Variants in VEPH1 observed in about 807,000 individuals in gnomAD.
VEPH1 encodes the protein ventricular zone expressed PH domain containing 1, also known as ventricular zone-expressed PH domain-containing protein homolog 1.
Under a neutral mutation model 85.2 loss-of-function variants are expected in VEPH1, and 80 were observed. The observed-to-expected ratio is 0.94, with a 90% CI of 0.78 to 1.13. The LOEUF is 1.13. Ranked by LOEUF, VEPH1 falls within the 50% of genes most tolerant of loss-of-function variation. VEPH1 has a pLI of 0.00. For missense variants in VEPH1, 955 were observed against 980.5 expected, an observed-to-expected ratio of 0.97 and a Z score of 0.35; for synonymous variants, 297 against 348.0, an observed-to-expected ratio of 0.85 and a Z score of 1.63.
intron 2 of VEPH1, among the ~76,000 whole-genome samples, chr3:157,489,747 C>G (rs910954296): frequency 6.6e-6 from 1 of 150,754 alleles, no homozygotes; most frequent in African/African-American, 2.4e-5. Context: ...ACCCTTCTAT[C>G]CTAGCATCCA....
At chr3:157,374,660 T>C (rs1727895410) in intron 7 of VEPH1, among the ~76,000 whole-genome samples, 1 of 152,158 alleles carries the variant, frequency 6.6e-6, no homozygotes, top group South Asian at 2.1e-4. Flanking sequence ...GTATGAACTG[T>C]GGGAGCTCAG....
At chr3:157,501,535 C>T (rs942492015) in intron 1 of VEPH1, among the ~76,000 whole-genome samples, 4 of 152,144 alleles carry the variant, frequency 2.6e-5, no homozygotes, top group South Asian at 2.1e-4. Flanking sequence ...TTCAAGGTGA[C>T]GTACACTCAA....
intron 11 of VEPH1, among the ~76,000 whole-genome samples, chr3:157,299,833 T>C (rs769247355): frequency 1.3e-5 from 2 of 152,138 alleles, no homozygotes; most frequent in African/African-American, 4.8e-5. Flanking sequence ...TTCATTTTGT[T>C]TGGAGGGGTC....
chr3:157,376,588 T>C (rs1443573455), intron 7 of VEPH1, among the ~76,000 whole-genome samples: 3 of 152,240 alleles, frequency 2.0e-5, no homozygotes, highest in Non-Finnish European at 2.9e-5. Context: ...TGTCCTGTTA[T>C]TTAGCCTCTG....
chr3:157,460,457 T>A, intron 3 of VEPH1, 102 bp from the exon 4 acceptor site: 2 of 1,386,708 alleles, frequency 1.4e-6, no homozygotes, highest in Non-Finnish European at 9.6e-7. Context: ...GCTACCAGAG[T>A]ACAGCTGTGA....
intron 5 of VEPH1, among the ~76,000 whole-genome samples, chr3:157,422,557 G>A (rs1218363227): frequency 6.6e-6 from 1 of 152,126 alleles, no homozygotes; most frequent in Non-Finnish European, 1.5e-5. Flanking sequence ...AGTGGAAGCT[G>A]CCCAGTTATT....
intron 3 of VEPH1, among the ~76,000 whole-genome samples, chr3:157,461,627 A>G (rs1417605774): frequency 6.6e-6 from 1 of 152,208 alleles, no homozygotes; most frequent in East Asian, 1.9e-4. Context: ...AAATCTTACA[A>G]TAAGGACAAA....
chr3:157,388,654 G>C (rs1729549339), intron 6 of VEPH1, among the ~76,000 whole-genome samples: 1 of 152,004 alleles, frequency 6.6e-6, no homozygotes, highest in Non-Finnish European at 1.5e-5. Flanking sequence ...CCATATTGGA[G>C]GGTTCTACAT....
chr3:157,428,246 T>C, intron 5 of VEPH1, 76 bp downstream of exon 5: 1 of 1,472,944 alleles, frequency 6.8e-7, no homozygotes, highest in Non-Finnish European at 9.2e-7. Context: ...CAGGAAATCC[T>C]AAGCACATAC....
chr3:157,427,417 C>A (rs1340087914), intron 5 of VEPH1, among the ~76,000 whole-genome samples: 1 of 151,980 alleles, frequency 6.6e-6, no homozygotes, highest in Non-Finnish European at 1.5e-5. Context: ...TGCACCTGGC[C>A]CATTTGTTGC....
chr3:157,313,171 T>A (rs1170453908), intron 11 of VEPH1, among the ~76,000 whole-genome samples: 10 of 152,010 alleles, frequency 6.6e-5, no homozygotes, highest in African/African-American at 2.4e-4. Flanking sequence ...CCCAAAGTGC[T>A]GGGATTACAG....
intron 4 of VEPH1, among the ~76,000 whole-genome samples, chr3:157,444,441 T>C (rs897192589): frequency 1.3e-5 from 2 of 152,244 alleles, no homozygotes; most frequent in Non-Finnish European, 2.9e-5. Context: ...TATAGCTTCA[T>C]TCCACTTGTG....
chr3:157,344,093 A>C (rs1723922629), intron 9 of VEPH1, among the ~76,000 whole-genome samples: 1 of 152,232 alleles, frequency 6.6e-6, no homozygotes, highest in Non-Finnish European at 1.5e-5. Context: ...CAAAAACTGG[A>C]AACATTCCCT....
intron 5 of VEPH1, among the ~76,000 whole-genome samples, chr3:157,422,527 G>T (rs1732422657): frequency 6.6e-6 from 1 of 152,160 alleles, no homozygotes. Context: ...TCCTCCTCTT[G>T]TAGCCTTCTC....
chr3:157,311,630 A>G (rs1200720481), intron 11 of VEPH1, among the ~76,000 whole-genome samples: 1 of 152,228 alleles, frequency 6.6e-6, no homozygotes, highest in East Asian at 1.9e-4. Flanking sequence ...CCTTAGAGAA[A>G]TGTTTATTAG....
At chr3:157,325,350 C>G (rs1721781192) in intron 9 of VEPH1, among the ~76,000 whole-genome samples, 1 of 152,116 alleles carries the variant, frequency 6.6e-6, no homozygotes, top group African/African-American at 2.4e-5. Flanking sequence ...TTAATTAGAT[C>G]TCATTTGTGA....
At chr3:157,275,049 T>C (rs767250767) in intron 12 of VEPH1, among the ~76,000 whole-genome samples, 35 of 152,148 alleles carry the variant, frequency 2.3e-4, no homozygotes, top group Non-Finnish European at 4.0e-4. Flanking sequence ...GACAATAACC[T>C]CCACATAACT....
intron 4 of VEPH1, among the ~76,000 whole-genome samples, chr3:157,439,843 C>T (rs1577663481): frequency 1.3e-5 from 2 of 152,190 alleles, no homozygotes; most frequent in African/African-American, 2.4e-5. Flanking sequence ...CTCCGCCTCC[C>T]GGGTTCACTC....
Position 157,364,167 on chromosome 3 carries a change from T to G in VEPH1, c.1337+136A>C, listed in dbSNP as rs886942719. On this transcript the variant is annotated intron_variant, in intron 8 of 13. Transcript: ENST00000362010. The stretch of plus-strand genomic sequence containing the variant: ...GATAATGAGAGCATTGTGGATGATA[T>G]TTCATTCATGTAAGGATGGCACTTT... 1.4e-5 allele frequency: 9 copies of G among 661,912 alleles called. No homozygotes were observed. In the East Asian group the frequency reaches 2.5e-4, roughly 18 times the overall value. The allele number at this position is 661,912 out of a possible 1,614,324, so 41.0% of individuals were successfully genotyped here.
Sources: allele counts gnomAD v4.1 joint callset (sites outside exome capture counted in the v4.1 genomes callset), GRCh38; gene constraint gnomAD v4.1.1; transcripts MANE v1.5; gene names NCBI Gene and HGNC (gene_info 2026-07-23, HGNC 2026-07-21).